Variants in SPAG1 observed in about 807,000 individuals in gnomAD.
SPAG1 encodes the protein sperm-associated antigen 1.
A neutral mutation model predicts 100.5 loss-of-function variants in SPAG1; 69 were observed. That is an observed-to-expected ratio of 0.69 (90% CI 0.57 to 0.84). The LOEUF is 0.84. Among genes scored for constraint, SPAG1 ranks in the 40% least tolerant of loss-of-function variants. The pLI is 0.00. For synonymous variants in SPAG1, 336 were observed against 411.6 expected, an observed-to-expected ratio of 0.82 and a Z score of 2.22; for missense variants, 955 against 1,133.1, an observed-to-expected ratio of 0.84 and a Z score of 2.26.
chr8:100,166,197 A>T, intron 3 of SPAG1, among the ~76,000 whole-genome samples: 1 of 152,346 alleles, frequency 6.6e-6, no homozygotes, highest in Admixed American at 6.5e-5. Context: ...CTGTCCTATT[A>T]AAAAACCTAT....
chr8:100,188,798 C>A lies in SPAG1; in HGVS notation c.832+1548C>A, dbSNP rs530758018. On this transcript the variant is annotated intron_variant, in intron 8 of 18. Transcript: ENST00000388798. ...ATAAACATGGTGGAGGTGGCAGAAG[C>A]CATGGGAGTGCTAAGGGGAAGCCTG... Among the ~76,000 whole-genome samples, 14 of 152,266 alleles carry A rather than the reference C, an allele frequency of 9.2e-5. No homozygotes were observed. In the Middle Eastern group the frequency reaches 0.01, roughly 111 times the overall value.
chr8:100,165,483 G>A (rs963648440), intron 2 of SPAG1: 11 of 360,616 alleles, frequency 3.1e-5, no homozygotes, highest in Non-Finnish European at 4.8e-5. Context: ...ACATGGTGGC[G>A]CCGGGAGGAA....
chr8:100,226,289 G>A (rs1818510059), intron 14 of SPAG1, among the ~76,000 whole-genome samples: 2 of 152,110 alleles, frequency 1.3e-5, no homozygotes. Flanking sequence ...GAGCCACCAT[G>A]CGTGGTTTAA....
At chr8:100,201,170 C>A in intron 10 of SPAG1, among the ~76,000 whole-genome samples, 1 of 151,952 alleles carries the variant, frequency 6.6e-6, no homozygotes, top group Non-Finnish European at 1.5e-5. Context: ...GACTGAAATG[C>A]AGAGTGGCAC....
chr8:100,176,211 AC>A (rs1326708347), intron 3 of SPAG1, among the ~76,000 whole-genome samples: 4 of 152,100 alleles, frequency 2.6e-5, no homozygotes, highest in Non-Finnish European at 4.4e-5. Context: ...TAAAAGCCAA[AC>A]CTTTTTCTAA....
chr8:100,194,102 T>G lies in SPAG1; in HGVS notation c.940-10T>G. On this transcript the variant is annotated splice_polypyrimidine_tract_variant and intron_variant, in intron 9 of 18. Transcript: ENST00000388798. ...AAAATATTTTCTTTAATATGGTAAT[T>G]ATGTTGCAGAAAACCTTGTCAGAGG... 7.0e-7 allele frequency: 1 copy of G among 1,422,784 alleles called. No individual in the cohort carries two copies. Among genetic ancestry groups the G allele is most frequent in the South Asian group, 1.3e-5 (1 of 74,386 alleles). 88.1% of individuals were successfully genotyped at this position (1,422,784 alleles called of 1,614,324 possible).
At position 100,241,336 on chromosome 8, in the gene SPAG1, T is replaced by C. The variant is rs1819263415; in HGVS notation, c.*314T>C. On this transcript the variant is annotated 3_prime_UTR_variant, in exon 19 of 19. Transcript: ENST00000388798. The surrounding 1 kb of genome is among the most constrained non-coding windows in gnomAD (Gnocchi z 5.1). ...TGAGTTAAGTTGCATTTCTTTGGGC[T>C]ATGAAGGAGTCCTCTTAAGTTTGAT... is the stretch of plus-strand genomic sequence containing the variant. The C allele has an allele frequency of 5.9e-6, 1 of 169,270 alleles. No homozygotes were observed. The highest frequency in any genetic ancestry group is 2.4e-5 in the African/African-American group (1 of 42,044). 10.5% of individuals were successfully genotyped at this position (169,270 alleles called of 1,614,324 possible). A position where few individuals can be genotyped will look rare whatever the true frequency, so the allele number is the denominator to read the frequency against.
At chr8:100,207,291 G>A (rs1817550519) in intron 10 of SPAG1, among the ~76,000 whole-genome samples, 1 of 152,178 alleles carries the variant, frequency 6.6e-6, no homozygotes, top group Admixed American at 6.5e-5. Flanking sequence ...TAAGTTACAT[G>A]AGGAGGTGGC....
intron 10 of SPAG1, among the ~76,000 whole-genome samples, chr8:100,210,656 C>T (rs78946133): frequency 0.049 from 7,431 of 152,094 alleles, 547 homozygotes; most frequent in African/African-American, 0.15. Context: ...TCCTTATGAG[C>T]CTTTGAGTGA....
At chr8:100,228,403 T>C (rs1168460807) in intron 14 of SPAG1, among the ~76,000 whole-genome samples, 7 of 113,688 alleles carry the variant, frequency 6.2e-5, no homozygotes, top group African/African-American at 1.5e-4. Context: ...AAGACCCCCA[T>C]CTCTACCAAA....
At chr8:100,215,534 T>G (rs1179240176) in intron 12 of SPAG1, among the ~76,000 whole-genome samples, 1 of 152,196 alleles carries the variant, frequency 6.6e-6, no homozygotes, top group Admixed American at 6.5e-5. Flanking sequence ...GTTTATTTTG[T>G]TTTTTTGTTT....
At chr8:100,166,822 G>A (rs893526414) in intron 3 of SPAG1, among the ~76,000 whole-genome samples, 1 of 152,126 alleles carries the variant, frequency 6.6e-6, no homozygotes, top group African/African-American at 2.4e-5. Context: ...CAGGAGGATC[G>A]CTTTATCCTG....
intron 14 of SPAG1, among the ~76,000 whole-genome samples, chr8:100,227,823 T>C (rs1342146557): frequency 2.6e-5 from 4 of 151,108 alleles, no homozygotes; most frequent in Non-Finnish European, 4.4e-5. Context: ...AAAGTACCAT[T>C]TGACCCTATT....
In SPAG1 at chr8:100,205,024, G is replaced by A. The variant is rs546666724; in HGVS notation, c.1097-8066G>A. ...CTAATTAATCACGATGTTCCTAGAA[G>A]TGAAATTGATAGGAAGCCTACTGCA... On this transcript the variant is annotated intron_variant, in intron 10 of 18. Transcript: ENST00000388798. 4.6e-5 allele frequency among the ~76,000 whole-genome samples: 7 copies of A among 152,294 alleles called. No individual in the cohort carries two copies. In the East Asian group the frequency reaches 1.2e-3, roughly 25 times the overall value.
In SPAG1 at chr8:100,187,100, A is replaced by C; in HGVS notation, c.702-20A>C. 6.3e-7 allele frequency: 1 copy of C among 1,596,094 alleles called. No individual in the cohort carries two copies. Reference sequence around the variant, plus strand: ...GTTTACCTTAGGCTTGCTTGTTGCCAGTAACTGTTTCTTTTCTAGGAGCAT... The same window carrying C: ...GTTTACCTTAGGCTTGCTTGTTGCCCGTAACTGTTTCTTTTCTAGGAGCAT... On this transcript the variant is annotated intron_variant, in intron 7 of 18. Transcript: ENST00000388798.
intron 6 of SPAG1, among the ~76,000 whole-genome samples, chr8:100,184,399 C>T (rs538127945): frequency 2.2e-4 from 33 of 152,086 alleles, no homozygotes; most frequent in Non-Finnish European, 4.1e-4. Flanking sequence ...GGACTAGCAC[C>T]TATAAAGTGA....
At chr8:100,193,658 T>G (rs1218260213) in intron 9 of SPAG1, among the ~76,000 whole-genome samples, 1 of 152,222 alleles carries the variant, frequency 6.6e-6, no homozygotes, top group African/African-American at 2.4e-5. Flanking sequence ...AGCTCACGCC[T>G]GTAATCCCAG....
chr8:100,206,328 GGC>G (rs1817516388), intron 10 of SPAG1, among the ~76,000 whole-genome samples: 1 of 152,164 alleles, frequency 6.6e-6, no homozygotes, highest in Non-Finnish European at 1.5e-5. Flanking sequence ...GCCGTCAGCT[GGC>G]AAGGTTACCA....
intron 10 of SPAG1, chr8:100,194,633 C>T (rs1816953237): frequency 2.4e-5 from 10 of 414,882 alleles, no homozygotes; most frequent in South Asian, 9.0e-5. Context: ...GGTTTCAAAA[C>T]AGGTATGGGT....
Sources: gnomAD v4.1 joint callset for allele counts (sites outside exome capture counted in the v4.1 genomes callset) on GRCh38, gnomAD v4.1.1 for gene constraint, Gnocchi (gnomAD v3.1) non-coding constraint, MANE v1.5 for transcripts, NCBI Gene and HGNC (gene_info 2026-07-23, HGNC 2026-07-21) for gene names.